Variants in AGBL4 observed in about 807,000 individuals in gnomAD.
AGBL4 encodes the protein cytosolic carboxypeptidase 6.
A neutral mutation model predicts 66.4 loss-of-function variants in AGBL4; 58 were observed. The ratio of observed to expected loss-of-function variants is 0.87; its 90% CI spans 0.71 to 1.09. AGBL4 has a LOEUF of 1.09. Ranked by LOEUF, AGBL4 falls within the 50% of genes least tolerant of loss-of-function variation. AGBL4 has a pLI of 0.00. For missense variants in AGBL4, 579 were observed against 631.0 expected, an observed-to-expected ratio of 0.92 and a Z score of 0.88; for synonymous variants, 234 against 222.9, an observed-to-expected ratio of 1.05 and a Z score of -0.44.
intron 4 of AGBL4, among the ~76,000 whole-genome samples, chr1:49,184,103 A>C (rs556842075): frequency 2.0e-5 from 3 of 152,262 alleles, no homozygotes; most frequent in Admixed American, 1.3e-4. Flanking sequence ...AAAAACTAAC[A>C]TTTACAAGGT....
At chr1:48,963,501 C>CTT (rs1170684735) in intron 5 of AGBL4, among the ~76,000 whole-genome samples, 6 of 144,024 alleles carry the variant, frequency 4.2e-5, no homozygotes, top group African/African-American at 7.7e-5. Context: ...TAGAATTCAT[C>CTT]TTTTTTTTTT....
chr1:48,950,871 T>G (rs534005453), intron 5 of AGBL4, among the ~76,000 whole-genome samples: 1 of 152,318 alleles, frequency 6.6e-6, no homozygotes, highest in East Asian at 1.9e-4. Context: ...TTAAACCTAC[T>G]TCTACTATCC....
At chr1:49,532,401 CT>C (rs1651211238) in intron 3 of AGBL4, among the ~76,000 whole-genome samples, 1 of 152,094 alleles carries the variant, frequency 6.6e-6, no homozygotes, top group Admixed American at 6.5e-5. Context: ...AGCTCATACT[CT>C]TTTCACTAAG....
At chr1:48,795,652 T>C (rs570592741) in intron 6 of AGBL4, among the ~76,000 whole-genome samples, 1 of 152,288 alleles carries the variant, frequency 6.6e-6, no homozygotes, top group Non-Finnish European at 1.5e-5. Flanking sequence ...TGTATTTAGT[T>C]CTATGCAATG....
intron 2 of AGBL4, among the ~76,000 whole-genome samples, chr1:49,731,877 A>G (rs1414703525): frequency 1.3e-5 from 2 of 152,224 alleles, no homozygotes; most frequent in East Asian, 3.8e-4. Context: ...AAAGGTATAC[A>G]AAAATCAGAG....
At chr1:49,159,581 G>GT (rs1208682934) in intron 4 of AGBL4, among the ~76,000 whole-genome samples, 5 of 152,118 alleles carry the variant, frequency 3.3e-5, no homozygotes, top group Non-Finnish European at 7.3e-5. Flanking sequence ...GGTGTTCTCT[G>GT]TATTTCCTGA....
intron 3 of AGBL4, among the ~76,000 whole-genome samples, chr1:49,545,261 C>G (rs1177273520): frequency 1.3e-5 from 2 of 152,064 alleles, no homozygotes; most frequent in African/African-American, 4.8e-5. Flanking sequence ...TGGGGAGGCC[C>G]ATGTAGCAAA....
At chr1:49,407,065 CAAAA>C (rs57974289) in intron 3 of AGBL4, among the ~76,000 whole-genome samples, 2 of 25,928 alleles carry the variant, frequency 7.7e-5, no homozygotes, top group Admixed American at 4.3e-4. Flanking sequence ...ACTCTGCCTC[CAAAA>C]AAAAAAAAAA....
In AGBL4 at chr1:48,743,322, G is replaced by A. The variant is rs562064084; in HGVS notation, c.635-80081C>T. On this transcript the variant is annotated intron_variant, in intron 6 of 13. Coordinates refer to ENST00000371839, the MANE Select transcript of AGBL4 (RefSeq NM_032785.4). ...AAGCCCCTGATTGCCTGATCCAGCA[G>A]CTACTCTGATTTTTATTTTAATGCA... 3.3e-5 allele frequency among the ~76,000 whole-genome samples: 5 copies of A among 152,282 alleles called. No homozygotes were observed. The South Asian group carries it at 8.3e-4, about 25-fold the overall frequency.
intron 3 of AGBL4, among the ~76,000 whole-genome samples, chr1:49,306,444 T>A (rs1352270990): frequency 2.6e-5 from 4 of 152,204 alleles, no homozygotes; most frequent in Non-Finnish European, 5.9e-5. Flanking sequence ...CTGCTGTATG[T>A]TTATTTCATT....
chr1:48,699,823 A>T (rs182087876), intron 6 of AGBL4, among the ~76,000 whole-genome samples: 88 of 152,294 alleles, frequency 5.8e-4, no homozygotes, highest in African/African-American at 2.1e-3. Context: ...TTCCAAAAAA[A>T]TTACTTGCAT....
intron 3 of AGBL4, among the ~76,000 whole-genome samples, chr1:49,449,420 C>T (rs781115682): frequency 2.6e-5 from 4 of 151,986 alleles, no homozygotes; most frequent in African/African-American, 4.8e-5. Context: ...ATGTGAAATG[C>T]CTAAAGCCTC....
At chr1:49,552,318 A>G (rs1305278285) in intron 3 of AGBL4, among the ~76,000 whole-genome samples, 1 of 152,130 alleles carries the variant, frequency 6.6e-6, no homozygotes, top group Non-Finnish European at 1.5e-5. Context: ...TCTGGCCGGG[A>G]GGATTCTAGC....
chr1:49,950,148 GTA>G (rs1306424259), intron 1 of AGBL4, among the ~76,000 whole-genome samples: 10 of 137,222 alleles, frequency 7.3e-5, no homozygotes, highest in East Asian at 2.1e-4. Context: ...ACACATATGT[GTA>G]TATATATACA....
chr1:49,296,922 C>T (rs748907387), intron 3 of AGBL4, among the ~76,000 whole-genome samples: 1 of 152,142 alleles, frequency 6.6e-6, no homozygotes, highest in Non-Finnish European at 1.5e-5. Context: ...AACCAAGTGG[C>T]ACAATAGACT....
intron 3 of AGBL4, among the ~76,000 whole-genome samples, chr1:49,544,155 G>A (rs1241415994): frequency 1.3e-5 from 2 of 152,198 alleles, no homozygotes; most frequent in South Asian, 2.1e-4. Flanking sequence ...TAGGAACTGT[G>A]CTCAATGTCC....
At chr1:48,538,348 C>G (rs534410947) in intron 12 of AGBL4, among the ~76,000 whole-genome samples, 1 of 152,304 alleles carries the variant, frequency 6.6e-6, no homozygotes, top group East Asian at 1.9e-4. Context: ...GGGCACTATA[C>G]TAAGCTTGTA....
intron 6 of AGBL4, among the ~76,000 whole-genome samples, chr1:48,695,835 G>A (rs1407060961): frequency 6.6e-6 from 1 of 152,180 alleles, no homozygotes; most frequent in Admixed American, 6.5e-5. Flanking sequence ...TCTAAGCACA[G>A]CCAGGTTTGG....
chr1:49,471,004 G>T (rs553211560), intron 3 of AGBL4, among the ~76,000 whole-genome samples: 56 of 152,092 alleles, frequency 3.7e-4, no homozygotes, highest in African/African-American at 1.3e-3. Flanking sequence ...CCTTAGTTAA[G>T]ATTTTAGCTT....
Sources: gnomAD v4.1 joint callset for allele counts (sites outside exome capture counted in the v4.1 genomes callset) on GRCh38, gnomAD v4.1.1 for gene constraint, MANE v1.5 for transcripts, NCBI Gene and HGNC (gene_info 2026-07-23, HGNC 2026-07-21) for gene names.